The following KLHL13 variants were observed in gnomAD, a reference collection of about 807,000 sequenced individuals.
The protein encoded by KLHL13 is kelch-like protein 13.
Under a neutral mutation model 37.1 loss-of-function variants are expected in KLHL13, and 10 were observed. The ratio of observed to expected loss-of-function variants is 0.27; its 90% CI spans 0.17 to 0.46. The LOEUF (loss-of-function observed/expected upper bound fraction) is 0.46. KLHL13 is among the 20% of genes least tolerant of loss of function. KLHL13 has a pLI of 1.00. For synonymous variants in KLHL13, 163 were observed against 181.2 expected (o/e 0.90, Z 0.81); for missense variants, 360 against 509.3 (o/e 0.71, Z 2.82).
intron 1 of KLHL13, among the ~76,000 whole-genome samples, chrX:118,053,328 A>G (rs758385305): frequency 1.8e-4 from 20 of 112,084 alleles, no homozygotes; most frequent in African/African-American, 6.2e-4. Context: ...TGATGAGTTC[A>G]TGTCCTTTGT....
At chrX:117,941,484 T>C (rs1933028555) in intron 2 of KLHL13, among the ~76,000 whole-genome samples, 1 of 111,854 alleles carries the variant, frequency 8.9e-6, no homozygotes, top group African/African-American at 3.3e-5. Flanking sequence ...TTTTGGTTGG[T>C]AGGCTATTAA....
chrX:118,102,004 C>T (rs147708702), intron 1 of KLHL13, among the ~76,000 whole-genome samples: 37 of 111,527 alleles, frequency 3.3e-4, no homozygotes, highest in African/African-American at 1.2e-3. Flanking sequence ...ATACAAGTAG[C>T]AAGTACAAAT....
intron 1 of KLHL13, among the ~76,000 whole-genome samples, chrX:118,040,494 T>C (rs1474705713): frequency 1.8e-5 from 2 of 111,551 alleles, no homozygotes. Flanking sequence ...AGCTTGAATA[T>C]AGGTTATTTG....
At chrX:117,951,146 T>A (rs1487863021) in intron 1 of KLHL13, among the ~76,000 whole-genome samples, 1 of 111,812 alleles carries the variant, frequency 8.9e-6, no homozygotes, top group African/African-American at 3.3e-5. Context: ...GTACACATAC[T>A]CAACTTTCAT....
At chrX:118,112,479 A>G (rs2055422600) in intron 1 of KLHL13, among the ~76,000 whole-genome samples, 2 of 111,499 alleles carry the variant, frequency 1.8e-5, no homozygotes, top group Non-Finnish European at 3.8e-5. Context: ...TGGAATTTGA[A>G]ATGACAAAAA....
chrX:117,981,759 T>C (rs2053664180), intron 1 of KLHL13, among the ~76,000 whole-genome samples: 1 of 111,503 alleles, frequency 9.0e-6, no homozygotes, highest in Admixed American at 9.6e-5. Flanking sequence ...CAGATTCAGA[T>C]TTGTAAAGCA....
At chrX:117,938,296 G>A (rs1165627696) in intron 2 of KLHL13, among the ~76,000 whole-genome samples, 1 of 110,780 alleles carries the variant, frequency 9.0e-6, no homozygotes, top group Non-Finnish European at 1.9e-5. Flanking sequence ...TATCTCTAAT[G>A]TTTATCCATT....
intron 1 of KLHL13, among the ~76,000 whole-genome samples, chrX:118,046,799 G>A (rs2054565633): frequency 8.9e-6 from 1 of 111,782 alleles, no homozygotes; most frequent in Admixed American, 9.5e-5. Flanking sequence ...AACGGTAGGA[G>A]GGAAACTATG....
intron 1 of KLHL13, among the ~76,000 whole-genome samples, chrX:118,068,947 C>T (rs1458873826): frequency 1.8e-5 from 2 of 110,897 alleles, no homozygotes; most frequent in Admixed American, 1.9e-4. Flanking sequence ...GCTGCGCAGT[C>T]CCTCCTGGGG....
chrX:117,913,641 C>T (rs990008860), intron 4 of KLHL13, among the ~76,000 whole-genome samples: 1 of 111,262 alleles, frequency 9.0e-6, no homozygotes, highest in East Asian at 2.8e-4. Flanking sequence ...GTCAGGAGAT[C>T]GAGACCATCT....
intron 5 of KLHL13, among the ~76,000 whole-genome samples, chrX:117,903,498 C>T (rs1050714430): frequency 1.8e-5 from 2 of 109,690 alleles, no homozygotes; most frequent in Admixed American, 1.9e-4. Context: ...CTGCCACATG[C>T]CCCAGTACTG....
chrX:117,910,471 G>A (rs1314888106), intron 4 of KLHL13, among the ~76,000 whole-genome samples: 1 of 97,897 alleles, frequency 1.0e-5, no homozygotes, highest in African/African-American at 3.8e-5. Context: ...ATAGAAGGTT[G>A]TTCTATTATG....
intron 2 of KLHL13, among the ~76,000 whole-genome samples, chrX:117,935,757 T>C (rs1377428184): frequency 1.7e-4 from 19 of 110,897 alleles, no homozygotes; most frequent in Non-Finnish European, 1.9e-5. Flanking sequence ...AAGCCCCTCC[T>C]CCAACACTGG....
At chrX:118,042,281 A>C (rs149519480) in intron 1 of KLHL13, among the ~76,000 whole-genome samples, 5,921 of 111,507 alleles carry the variant, frequency 0.053, 394 homozygotes, top group African/African-American at 0.18. Flanking sequence ...ACCCATTTTC[A>C]GCATTGGACA....
intron 1 of KLHL13, among the ~76,000 whole-genome samples, chrX:118,042,146 C>A (rs2054512641): frequency 9.0e-6 from 1 of 111,274 alleles, no homozygotes; most frequent in Non-Finnish European, 1.9e-5. Flanking sequence ...TCAAGTCAGC[C>A]AGAGGATATA....
At chrX:117,936,137 T>G (rs1043807462) in intron 2 of KLHL13, among the ~76,000 whole-genome samples, 1 of 111,561 alleles carries the variant, frequency 9.0e-6, no homozygotes, top group South Asian at 3.8e-4. Flanking sequence ...GAATAGAAGG[T>G]TTCCATGAGA....
intron 1 of KLHL13, among the ~76,000 whole-genome samples, chrX:118,024,733 T>C (rs908421691): frequency 3.6e-5 from 4 of 111,903 alleles, no homozygotes; most frequent in African/African-American, 1.3e-4. Context: ...GCTAACAATA[T>C]CAAGTGTTAG....
intron 1 of KLHL13, among the ~76,000 whole-genome samples, chrX:118,085,752 A>G (rs1408828468): frequency 1.8e-5 from 2 of 108,991 alleles, no homozygotes; most frequent in African/African-American, 6.7e-5. Flanking sequence ...AATTGCTGCA[A>G]AAGACATTAT....
chrX:118,032,637 G>A (rs1328442886), intron 1 of KLHL13, among the ~76,000 whole-genome samples: 1 of 108,805 alleles, frequency 9.2e-6, no homozygotes, highest in Non-Finnish European at 1.9e-5. Flanking sequence ...CACAAAGATG[G>A]GGAAAAAACA....
Sources: allele counts gnomAD v4.1 joint callset (sites outside exome capture counted in the v4.1 genomes callset), GRCh38; gene constraint gnomAD v4.1.1; transcripts MANE v1.5; gene names NCBI Gene and HGNC (gene_info 2026-07-23, HGNC 2026-07-21).